The following AUTS2 variants were observed in gnomAD, a reference collection of about 807,000 sequenced individuals.
AUTS2 encodes the protein autism susceptibility gene 2 protein.
Under a neutral mutation model 112.4 loss-of-function variants are expected in AUTS2, and 17 were observed. That is an observed-to-expected ratio of 0.15 (90% CI 0.10 to 0.23). The LOEUF (loss-of-function observed/expected upper bound fraction) is 0.23. AUTS2 is among the 10% of genes least tolerant of loss of function. AUTS2 has a pLI of 1.00. For synonymous variants in AUTS2, 751 were observed against 702.7 expected, an observed-to-expected ratio of 1.07 and a Z score of -1.09; for missense variants, 1,510 against 1,701.6, an observed-to-expected ratio of 0.89 and a Z score of 1.98.
chr7:69,659,583 GTTTTTTTTTT>G (rs58289887), intron 1 of AUTS2, among the ~76,000 whole-genome samples: 1 of 81,268 alleles, frequency 1.2e-5, no homozygotes, highest in Non-Finnish European at 2.2e-5. Context: ...AGGCTTAGTT[GTTTTTTTTTT>G]TTTTTTTTTT....
intron 4 of AUTS2, among the ~76,000 whole-genome samples, chr7:70,351,154 G>A (rs768888727): frequency 2.6e-5 from 4 of 151,416 alleles, no homozygotes; most frequent in Admixed American, 6.6e-5. Flanking sequence ...AGGCTCAAGC[G>A]ATTCTCCTTC....
At chr7:69,848,309 T>C (rs921950749) in intron 1 of AUTS2, among the ~76,000 whole-genome samples, 2 of 152,214 alleles carry the variant, frequency 1.3e-5, no homozygotes, top group Non-Finnish European at 2.9e-5. Context: ...ATCTCAGTCA[T>C]TTGTTTTGAT....
At chr7:70,782,313 T>A (rs1482200838) in intron 15 of AUTS2, 1 of 152,196 alleles carries the variant, frequency 6.6e-6, no homozygotes, top group Non-Finnish European at 1.5e-5. Context: ...ATTGCCTGGT[T>A]GGTTATAGCG....
chr7:70,679,917 TA>T (rs1808119065), intron 5 of AUTS2, among the ~76,000 whole-genome samples: 1 of 152,216 alleles, frequency 6.6e-6, no homozygotes. Flanking sequence ...GTTTTGTTTT[TA>T]AAACACAAAG....
chr7:69,915,319 G>T (rs1415340460), intron 2 of AUTS2, among the ~76,000 whole-genome samples: 3 of 152,188 alleles, frequency 2.0e-5, no homozygotes, highest in Non-Finnish European at 4.4e-5. Context: ...ATCGGCAAAT[G>T]TTGGAAATAG....
chr7:70,366,650 A>G (rs1321154229), intron 4 of AUTS2, among the ~76,000 whole-genome samples: 1 of 152,210 alleles, frequency 6.6e-6, no homozygotes, highest in Non-Finnish European at 1.5e-5. Context: ...CTTTTTAAGA[A>G]GAGAGTTGAT....
chr7:70,213,265 G>A (rs937877802), intron 4 of AUTS2, among the ~76,000 whole-genome samples: 6 of 151,548 alleles, frequency 4.0e-5, no homozygotes, highest in East Asian at 1.9e-4. Flanking sequence ...GGTGACCCAC[G>A]CCTGTAATAC....
intron 2 of AUTS2, among the ~76,000 whole-genome samples, chr7:69,993,121 C>T (rs1029424778): frequency 1.3e-5 from 2 of 152,192 alleles, no homozygotes; most frequent in Non-Finnish European, 2.9e-5. Context: ...CTATGGGCTT[C>T]TTGTGGTTCA....
At chr7:70,208,275 G>C (rs1443089126) in intron 4 of AUTS2, among the ~76,000 whole-genome samples, 1 of 152,104 alleles carries the variant, frequency 6.6e-6, no homozygotes, top group African/African-American at 2.4e-5. Context: ...TAACATTTCT[G>C]CTATGCAGCG....
At chr7:70,005,337 G>A (rs1439087826) in intron 2 of AUTS2, among the ~76,000 whole-genome samples, 3 of 152,114 alleles carry the variant, frequency 2.0e-5, no homozygotes, top group African/African-American at 7.2e-5. Context: ...TTCATAGTTA[G>A]ATCTAAGCCC....
At chr7:69,722,409 C>G (rs1289901584) in intron 1 of AUTS2, among the ~76,000 whole-genome samples, 1 of 148,656 alleles carries the variant, frequency 6.7e-6, no homozygotes, top group Non-Finnish European at 1.5e-5. Flanking sequence ...CCAAGTCTCG[C>G]TTTGTCACCC....
rs373278270 is a variant in AUTS2, at chr7:70,528,678, G to C, written c.690+92897G>C. Among the ~76,000 whole-genome samples, 4 of 152,110 alleles carry C rather than the reference G, an allele frequency of 2.6e-5. No homozygotes were observed. In the East Asian group the frequency reaches 7.7e-4, roughly 29 times the overall value. The stretch of plus-strand genomic sequence containing the variant: ...TCTAGTCCCAGCTACTTGGGAGGCT[G>C]AGGCAAAGGATCACGTGAGCCCAGG... On this transcript the variant is annotated intron_variant, in intron 5 of 18. Coordinates refer to ENST00000342771, the MANE Select transcript of AUTS2 (RefSeq NM_015570.4).
At chr7:70,033,939 T>C (rs995789743) in intron 2 of AUTS2, among the ~76,000 whole-genome samples, 2 of 152,142 alleles carry the variant, frequency 1.3e-5, no homozygotes, top group African/African-American at 4.8e-5. Flanking sequence ...TGTATATTTT[T>C]TAAAAGCTAG....
chr7:70,598,364 A>G (rs540671707), intron 5 of AUTS2, among the ~76,000 whole-genome samples: 48 of 152,332 alleles, frequency 3.2e-4, no homozygotes, highest in African/African-American at 1.1e-3. Context: ...AAGGCACAGC[A>G]GACATTCACT....
rs561015085 is a variant in AUTS2 at position 70,652,573 on chromosome 7, T to C, written c.691-45996T>C. On this transcript the variant is annotated intron_variant, in intron 5 of 18. Transcript: ENST00000342771. ...AAATGTGCCAAGTCATAGAAAATTG[T>C]GGTAGCCCTGAATTTTCAAGAATGG... is the stretch of plus-strand genomic sequence containing the variant. Among the ~76,000 whole-genome samples, 484 of 152,304 alleles carry C rather than the reference T, an allele frequency of 3.2e-3. 14 individuals are homozygous for C. Among genetic ancestry groups the C allele is most frequent in the Non-Finnish European group, 3.9e-3 (268 of 68,024 alleles).
chr7:69,904,028 G>A (rs1024033261), intron 2 of AUTS2, among the ~76,000 whole-genome samples: 1 of 152,188 alleles, frequency 6.6e-6, no homozygotes, highest in Non-Finnish European at 1.5e-5. Context: ...CCATCCCAGT[G>A]CCAGGCATTT....
intron 5 of AUTS2, among the ~76,000 whole-genome samples, chr7:70,582,255 A>C (rs535365097): frequency 6.6e-6 from 1 of 152,322 alleles, no homozygotes; most frequent in African/African-American, 2.4e-5. Flanking sequence ...CTGTCTTCTC[A>C]GCCCTTTTCA....
At chr7:69,773,879 G>T (rs967679930) in intron 1 of AUTS2, among the ~76,000 whole-genome samples, 4 of 152,236 alleles carry the variant, frequency 2.6e-5, no homozygotes, top group Admixed American at 6.5e-5. Flanking sequence ...GGGCTAAGGG[G>T]AATCCCGTCG....
At chr7:69,638,539 A>G (rs1794654875) in intron 1 of AUTS2, among the ~76,000 whole-genome samples, 2 of 152,224 alleles carry the variant, frequency 1.3e-5, no homozygotes, top group Admixed American at 1.3e-4. Context: ...GTATAAGCAC[A>G]ATTTCCCTAA....
Sources: allele counts gnomAD v4.1 joint callset (sites outside exome capture counted in the v4.1 genomes callset), GRCh38; gene constraint gnomAD v4.1.1; transcripts MANE v1.5; gene names NCBI Gene and HGNC (gene_info 2026-07-23, HGNC 2026-07-21).